Variants in BRINP2 observed in about 807,000 individuals in gnomAD.
BRINP2 encodes the protein BMP/retinoic acid-inducible neural-specific protein 2.
Under a neutral mutation model 69.2 loss-of-function variants are expected in BRINP2, and 21 were observed. The observed-to-expected ratio is 0.30, with a 90% CI of 0.22 to 0.44. The LOEUF is 0.44. BRINP2 is among the 20% of genes least tolerant of loss of function. The pLI is 1.00. For missense variants in BRINP2, 877 were observed against 986.0 expected (o/e 0.89, Z 1.48); for synonymous variants, 380 against 394.1 (o/e 0.96, Z 0.42).
Position 177,273,526 on chromosome 1 carries a change from C to G in BRINP2, c.708C>G (p.Asn236Lys). The G allele has an allele frequency of 6.2e-7, 1 of 1,610,642 alleles. No homozygotes were observed. Among genetic ancestry groups the G allele is most frequent in the East Asian group, 2.2e-5 (1 of 44,598 alleles). ...ETRTGPLGCS[N>K]YDNLDSVSSV... ...GGACCGGTCCTCTGGGCTGCAGCAA[C>G]TATGACAATCTGGACTCAGTCAGTT... is the stretch of plus-strand genomic sequence containing the variant. The change falls in exon 5 of 8, where the codon AAC (asparagine) becomes AAG (lysine). Residue 236 changes from asparagine (N) to lysine (K), a missense_variant. Around this residue, in one of 3 missense-constraint regions of BRINP2, gnomAD observed 566 missense variants for 625.2 expected, o/e 0.91. Coordinates refer to ENST00000361539, the MANE Select transcript of BRINP2 (RefSeq NM_021165.4).
chr1:177,275,241 T>C, intron 5 of BRINP2: 1 of 456,276 alleles, frequency 2.2e-6, no homozygotes, highest in Non-Finnish European at 4.4e-6. Flanking sequence ...TGTTCTGCTG[T>C]AGGTAAACTG....
intron 2 of BRINP2, among the ~76,000 whole-genome samples, chr1:177,241,606 T>G (rs1413854033): frequency 6.6e-6 from 1 of 152,200 alleles, no homozygotes; most frequent in Admixed American, 6.5e-5. Context: ...TACATGAAAT[T>G]TATTTTGACA....
intron 4 of BRINP2, among the ~76,000 whole-genome samples, chr1:177,263,334 A>G (rs1331278606): frequency 6.6e-6 from 1 of 152,216 alleles, no homozygotes; most frequent in African/African-American, 2.4e-5. Context: ...GAGGGGGAGT[A>G]ACAAGAAAAA....
chr1:177,260,647 A>G (rs1216078786), intron 4 of BRINP2, among the ~76,000 whole-genome samples: 2 of 152,210 alleles, frequency 1.3e-5, no homozygotes, highest in East Asian at 3.9e-4. Flanking sequence ...GCAGCCATCA[A>G]CATCAAGGCA....
intron 1 of BRINP2, among the ~76,000 whole-genome samples, chr1:177,177,084 G>A (rs1345779633): frequency 2.0e-5 from 3 of 151,996 alleles, no homozygotes; most frequent in South Asian, 4.2e-4. Flanking sequence ...AGTGTGGTGG[G>A]GAGAAAGAAA....
At chr1:177,228,503 C>G (rs572705352) in intron 1 of BRINP2, among the ~76,000 whole-genome samples, 1 of 152,184 alleles carries the variant, frequency 6.6e-6, no homozygotes, top group East Asian at 1.9e-4. Flanking sequence ...TACTGAAGTC[C>G]ACATTGTCTG....
chr1:177,273,313 C>T (rs1291857955), intron 4 of BRINP2, among the ~76,000 whole-genome samples, 175 bp from the exon 5 acceptor site: 1 of 152,150 alleles, frequency 6.6e-6, no homozygotes, highest in Non-Finnish European at 1.5e-5. Context: ...TACTCACTGC[C>T]TCAGGCCAAG....
Position 177,281,184 on chromosome 1 carries a change from G to T in BRINP2, c.2008G>T (p.Asp670Tyr), listed in dbSNP as rs1280971027. The T allele has an allele frequency of 1.2e-6, 2 of 1,614,202 alleles. No homozygotes were observed. The highest frequency in any genetic ancestry group is 1.7e-6 in the Non-Finnish European group (2 of 1,180,044). ...CTACTATGAGCCCCTGGAGATGACT[G>T]ATCCCTCTAAGAATTTGGGTTACAT... ...TIYYEPLEMT[D>Y]PSKNLGYMKI... Residue 670 changes from aspartate to tyrosine, a missense_variant, in exon 8 of 8, where the codon GAT becomes TAT. By Grantham distance (160) the Asp-to-Tyr change is radical. Transcript: ENST00000361539.
intron 4 of BRINP2, among the ~76,000 whole-genome samples, chr1:177,264,159 G>T (rs1651050176): frequency 6.6e-6 from 1 of 152,132 alleles, no homozygotes; most frequent in African/African-American, 2.4e-5. Flanking sequence ...TAGGCATTGG[G>T]TCTACAACTT....
chr1:177,282,175 C>G lies in BRINP2; in HGVS notation c.*647C>G, dbSNP rs184844716. The G allele has an allele frequency of 2.6e-5, 4 of 152,640 alleles. No individual in the cohort carries two copies. Among genetic ancestry groups the G allele is most frequent in the South Asian group, 2.1e-4 (1 of 4,824 alleles). 9.5% of individuals were successfully genotyped at this position (152,640 alleles called of 1,614,324 possible). A position where few individuals can be genotyped will look rare whatever the true frequency, so the allele number is the denominator to read the frequency against. ...TCCTCCCTCTGCTGCCTCCTCCCCC[C>G]ACCAAGTTTCAGGGCCCTGGATTGT... is the stretch of plus-strand genomic sequence containing the variant. On this transcript the variant is annotated 3_prime_UTR_variant, in exon 8 of 8. Transcript: ENST00000361539.
chr1:177,222,392 A>T (rs1571907277), intron 1 of BRINP2, among the ~76,000 whole-genome samples: 1 of 151,894 alleles, frequency 6.6e-6, no homozygotes, highest in Non-Finnish European at 1.5e-5. Context: ...GCTCACTGCA[A>T]CCTCCACCTC....
chr1:177,195,086 G>A (rs750773899), intron 1 of BRINP2, among the ~76,000 whole-genome samples: 1 of 152,090 alleles, frequency 6.6e-6, no homozygotes, highest in Non-Finnish European at 1.5e-5. Context: ...AAAGCTCACA[G>A]CCCAGAGTTT....
chr1:177,239,449 T>C (rs961673699), intron 2 of BRINP2, among the ~76,000 whole-genome samples: 5 of 152,252 alleles, frequency 3.3e-5, no homozygotes, highest in African/African-American at 1.2e-4. Context: ...CAAGATGCAG[T>C]ATCTTACTTC....
At chr1:177,249,652 A>C (rs1232018361) in intron 2 of BRINP2, among the ~76,000 whole-genome samples, 1 of 152,224 alleles carries the variant, frequency 6.6e-6, no homozygotes, top group African/African-American at 2.4e-5. Flanking sequence ...AATATAATTG[A>C]TATATAGAAA....
At chr1:177,242,218 C>T (rs1425887318) in intron 2 of BRINP2, among the ~76,000 whole-genome samples, 1 of 152,166 alleles carries the variant, frequency 6.6e-6, no homozygotes, top group Non-Finnish European at 1.5e-5. Context: ...GTCTACCATT[C>T]GTACTTTCCT....
chr1:177,197,419 GA>G (rs1648779166), intron 1 of BRINP2, among the ~76,000 whole-genome samples: 1 of 152,094 alleles, frequency 6.6e-6, no homozygotes, highest in Non-Finnish European at 1.5e-5. Context: ...CAAGATTGGG[GA>G]TTACAGTTAA....
At chr1:177,192,665 T>G (rs1648626755) in intron 1 of BRINP2, among the ~76,000 whole-genome samples, 1 of 152,208 alleles carries the variant, frequency 6.6e-6, no homozygotes, top group African/African-American at 2.4e-5. Context: ...ACCTTAAGCT[T>G]AATTTTGGAT....
chr1:177,215,936 C>T (rs1273040507), intron 1 of BRINP2, among the ~76,000 whole-genome samples: 1 of 152,004 alleles, frequency 6.6e-6, no homozygotes, highest in African/African-American at 2.4e-5. Context: ...GTCTAAGTAT[C>T]ACTGCCCCTT....
intron 1 of BRINP2, among the ~76,000 whole-genome samples, chr1:177,209,487 C>T (rs1649162974): frequency 6.6e-6 from 1 of 152,164 alleles, no homozygotes; most frequent in Non-Finnish European, 1.5e-5. Context: ...CAAGGACTGA[C>T]TAAGCACAAG....
Sources: allele counts gnomAD v4.1 joint callset (sites outside exome capture counted in the v4.1 genomes callset), GRCh38; gene constraint gnomAD v4.1.1; regional missense constraint gnomAD v4.1.1; transcripts MANE v1.5; gene names NCBI Gene and HGNC (gene_info 2026-07-23, HGNC 2026-07-21).